The following GPR158 variants were observed in gnomAD, a reference collection of about 807,000 sequenced individuals.
GPR158 encodes the protein G protein-coupled receptor 158.
A neutral mutation model predicts 78.2 loss-of-function variants in GPR158; 30 were observed. The ratio of observed to expected loss-of-function variants is 0.38; its 90% confidence interval spans 0.29 to 0.52. The LOEUF (loss-of-function observed/expected upper bound fraction) is 0.52, where lower values mean the gene tolerates loss of function less well. GPR158 is among the 20% of genes least tolerant of loss of function. GPR158 has a pLI of 0.83. For missense variants in GPR158, 1,463 were observed against 1,523.5 expected (o/e 0.96, Z 0.66); for synonymous variants, 581 against 591.1 (o/e 0.98, Z 0.25).
At chr10:25,214,064 G>A (rs975704318) in intron 1 of GPR158, among the ~76,000 whole-genome samples, 2 of 151,132 alleles carry the variant, frequency 1.3e-5, no homozygotes, top group African/African-American at 4.9e-5. Context: ...GTGAGATCTC[G>A]GCTCACTGCA....
chr10:25,444,311 G>T (rs140822918), intron 4 of GPR158, among the ~76,000 whole-genome samples: 3 of 151,794 alleles, frequency 2.0e-5, no homozygotes, highest in Admixed American at 1.3e-4. Context: ...GTGCATGACT[G>T]TATGTGTGGG....
chr10:25,220,756 G>C (rs1301645647), intron 1 of GPR158, among the ~76,000 whole-genome samples: 1 of 152,160 alleles, frequency 6.6e-6, no homozygotes, highest in Non-Finnish European at 1.5e-5. Flanking sequence ...CATGTCTAGA[G>C]CAATATTGTC....
At chr10:25,360,176 G>A (rs1024365682) in intron 2 of GPR158, among the ~76,000 whole-genome samples, 1 of 152,136 alleles carries the variant, frequency 6.6e-6, no homozygotes, top group Non-Finnish European at 1.5e-5. Context: ...TGGATAGATT[G>A]TAAAAATTTT....
chr10:25,499,982 C>T (rs1398313950), intron 5 of GPR158, among the ~76,000 whole-genome samples: 3 of 152,152 alleles, frequency 2.0e-5, no homozygotes, highest in Non-Finnish European at 4.4e-5. Context: ...GCCTTTGAGC[C>T]CAACAGGTTG....
At chr10:25,360,534 C>T (rs113806328) in intron 2 of GPR158, among the ~76,000 whole-genome samples, 114 of 151,428 alleles carry the variant, frequency 7.5e-4, no homozygotes, top group African/African-American at 2.5e-3. Flanking sequence ...TTGTTTTTGT[C>T]GGGTTTGTCA....
intron 6 of GPR158, among the ~76,000 whole-genome samples, chr10:25,558,067 A>G (rs966409363): frequency 2.0e-5 from 3 of 152,322 alleles, no homozygotes; most frequent in East Asian, 1.9e-4. Context: ...ATTTATATAC[A>G]TGTTCTAATT....
intron 5 of GPR158, among the ~76,000 whole-genome samples, chr10:25,495,412 C>T (rs1835867888): frequency 6.7e-6 from 1 of 149,052 alleles, no homozygotes; most frequent in South Asian, 2.1e-4. Context: ...CCTGCCTCAG[C>T]CTCCTGAGTA....
chr10:25,416,714 G>GAGA (rs974114164), intron 4 of GPR158, among the ~76,000 whole-genome samples: 1 of 152,112 alleles, frequency 6.6e-6, no homozygotes, highest in African/African-American at 2.4e-5. Flanking sequence ...AACTAGAATG[G>GAGA]AGAAACCTCT....
At chr10:25,236,522 A>T (rs931383181) in intron 2 of GPR158, among the ~76,000 whole-genome samples, 1 of 152,240 alleles carries the variant, frequency 6.6e-6, no homozygotes. Context: ...AATAAAAAAA[A>T]TAAAAAAATA....
chr10:25,445,199 G>T (rs78031929), intron 4 of GPR158, among the ~76,000 whole-genome samples: 7 of 152,264 alleles, frequency 4.6e-5, no homozygotes, highest in African/African-American at 1.4e-4. Context: ...AGGAAGTAAC[G>T]CTTGATTCTA....
At chr10:25,341,885 A>C (rs1855308048) in intron 2 of GPR158, among the ~76,000 whole-genome samples, 1 of 151,916 alleles carries the variant, frequency 6.6e-6, no homozygotes, top group Non-Finnish European at 1.5e-5. Flanking sequence ...AAATCTAAGA[A>C]TATGAAGGAC....
chr10:25,593,487 A>T (rs1210481457), intron 8 of GPR158, among the ~76,000 whole-genome samples: 1 of 152,092 alleles, frequency 6.6e-6, no homozygotes, highest in Admixed American at 6.6e-5. Flanking sequence ...GCTTTCACGG[A>T]TAAACAATGG....
intron 2 of GPR158, among the ~76,000 whole-genome samples, chr10:25,352,499 A>G (rs1564430093): frequency 6.6e-6 from 1 of 152,020 alleles, no homozygotes; most frequent in Non-Finnish European, 1.5e-5. Context: ...ATTAATATTA[A>G]TAAGTTTATA....
chr10:25,370,708 G>A (rs1327908030), intron 2 of GPR158, among the ~76,000 whole-genome samples: 4 of 151,058 alleles, frequency 2.6e-5, no homozygotes, highest in African/African-American at 7.3e-5. Context: ...GCTGAGTTCA[G>A]TTCCTGGGTA....
intron 5 of GPR158, among the ~76,000 whole-genome samples, chr10:25,488,729 G>T (rs569674995): frequency 2.6e-5 from 4 of 152,210 alleles, no homozygotes; most frequent in Non-Finnish European, 5.9e-5. Flanking sequence ...ATTCAGACAT[G>T]AAAGAAAGTG....
chr10:25,281,900 C>T (rs1854280304), intron 2 of GPR158, among the ~76,000 whole-genome samples: 1 of 152,062 alleles, frequency 6.6e-6, no homozygotes, highest in South Asian at 2.1e-4. Flanking sequence ...ACAAGGATAC[C>T]AGTGTAGACA....
chr10:25,218,401 T>C (rs1853249460), intron 1 of GPR158, among the ~76,000 whole-genome samples: 1 of 152,176 alleles, frequency 6.6e-6, no homozygotes, highest in African/African-American at 2.4e-5. Flanking sequence ...TTTTCTGAAG[T>C]CAGTTTTCTC....
intron 5 of GPR158, among the ~76,000 whole-genome samples, chr10:25,468,326 G>A (rs1047536715): frequency 5.3e-5 from 8 of 152,064 alleles, no homozygotes; most frequent in Non-Finnish European, 8.8e-5. Flanking sequence ...CTACTCTAAC[G>A]CAAATTCTTT....
chr10:25,254,365 G>A (rs897023020), intron 2 of GPR158, among the ~76,000 whole-genome samples: 5 of 152,116 alleles, frequency 3.3e-5, no homozygotes, highest in African/African-American at 9.7e-5. Context: ...AATACTGTAC[G>A]CTGTAGCAGA....
Sources: gnomAD v4.1 joint callset for allele counts (sites outside exome capture counted in the v4.1 genomes callset) on GRCh38, gnomAD v4.1.1 for gene constraint, MANE v1.5 for transcripts, NCBI Gene and HGNC (gene_info 2026-07-23, HGNC 2026-07-21) for gene names.